OOSP4A: variants seen among roughly 807,000 people sequenced by gnomAD.
The protein encoded by OOSP4A is oocyte-secreted protein 4A.
chr11:59,966,898 C>T (rs1370912542), intron 2 of OOSP4A, among the ~76,000 whole-genome samples, 169 bp from the exon 3 acceptor site: 1 of 152,196 alleles, frequency 6.6e-6, no homozygotes, highest in African/African-American at 2.4e-5. Context: ...GGATTTTTAT[C>T]ACTTAGCTCT....
chr11:59,964,764 C>T (rs1359005494), intron 1 of OOSP4A, among the ~76,000 whole-genome samples: 3 of 151,966 alleles, frequency 2.0e-5, no homozygotes, highest in African/African-American at 7.3e-5. Flanking sequence ...TTTCTGAATC[C>T]TTAGTGTCAC....
chr11:59,967,830 G>GT (rs1418824943), intron 3 of OOSP4A, among the ~76,000 whole-genome samples: 1 of 152,008 alleles, frequency 6.6e-6, no homozygotes, highest in African/African-American at 2.4e-5. Context: ...ACAAGGCCCA[G>GT]TTGCATGTGT....
At chr11:59,969,076 A>G in intron 3 of OOSP4A, 74 bp from the exon 4 acceptor site, 1 of 396,884 alleles carries the variant, frequency 2.5e-6, no homozygotes, top group East Asian at 3.6e-5. Flanking sequence ...GTTTTTCTCC[A>G]CATTTCAACT....
chr11:59,967,162 A>G, exon 3 of OOSP4A: 1 of 398,076 alleles, frequency 2.5e-6, no homozygotes, highest in Non-Finnish European at 4.4e-6. Flanking sequence ...GCTATGTGCA[A>G]AGGTAAGTGC....
intron 3 of OOSP4A, 119 bp from the exon 4 acceptor site, chr11:59,969,031 A>G: frequency 2.5e-6 from 1 of 394,810 alleles, no homozygotes; most frequent in Non-Finnish European, 4.5e-6. Context: ...CTGATTTGGC[A>G]TTCTCTCACA....
chr11:59,965,855 T>G (rs1368543372), intron 2 of OOSP4A, 142 bp downstream of exon 2: 1 of 394,642 alleles, frequency 2.5e-6, no homozygotes, highest in East Asian at 3.6e-5. Context: ...CTCTTCAACA[T>G]TTTTGGATGT....
chr11:59,969,157 C>T, exon 4 of OOSP4A: 1 of 398,572 alleles, frequency 2.5e-6, no homozygotes, highest in African/African-American at 2.1e-5. Context: ...CAGAAGGTTT[C>T]CAATAATCTT....
At chr11:59,965,970 T>C (rs1854094030) in intron 2 of OOSP4A, among the ~76,000 whole-genome samples, 1 of 151,956 alleles carries the variant, frequency 6.6e-6, no homozygotes, top group Admixed American at 6.6e-5. Context: ...CCTGTGATAG[T>C]GTTTTTTTTG....
At chr11:59,970,008 A>G (rs1273830120) in intron 4 of OOSP4A, 41 bp from the exon 5 acceptor site, 1 of 397,746 alleles carries the variant, frequency 2.5e-6, no homozygotes. Flanking sequence ...GTAGTTTCCC[A>G]TCAGTACAAC....
intron 3 of OOSP4A, among the ~76,000 whole-genome samples, chr11:59,967,910 G>T (rs187386476): frequency 6.6e-6 from 1 of 152,178 alleles, no homozygotes; most frequent in Admixed American, 6.5e-5. Flanking sequence ...TGGAGACACA[G>T]AATTTAATGG....
chr11:59,964,148 C>G (rs963548164), intron 1 of OOSP4A, 49 bp downstream of exon 1: 4 of 286,110 alleles, frequency 1.4e-5, no homozygotes, highest in African/African-American at 5.9e-5. Context: ...ATCAGCAGGG[C>G]TTTTTTTTTT....
intron 2 of OOSP4A, 117 bp downstream of exon 2, chr11:59,965,830 G>A: frequency 2.5e-6 from 1 of 396,118 alleles, no homozygotes; most frequent in Non-Finnish European, 4.4e-6. Context: ...AATAGTTCAT[G>A]TAGTATTGAT....
intron 4 of OOSP4A, among the ~76,000 whole-genome samples, chr11:59,969,537 G>A (rs541543887): frequency 6.6e-6 from 1 of 152,228 alleles, no homozygotes; most frequent in African/African-American, 2.4e-5. Context: ...TAATTTACTT[G>A]AGCTAGAGAA....
intron 3 of OOSP4A, among the ~76,000 whole-genome samples, chr11:59,968,724 C>G (rs911028267): frequency 6.6e-6 from 1 of 152,164 alleles, no homozygotes; most frequent in Non-Finnish European, 1.5e-5. Flanking sequence ...ATAGAAACAC[C>G]TTTATTTGGC....
chr11:59,966,966 A>G, intron 2 of OOSP4A, 101 bp from the exon 3 acceptor site: 1 of 389,508 alleles, frequency 2.6e-6, no homozygotes, highest in Non-Finnish European at 4.5e-6. Context: ...GTAAAAATAA[A>G]AGTAAAAATT....
At chr11:59,970,004 T>C (rs2134587962) in intron 4 of OOSP4A, 45 bp from the exon 5 acceptor site, 1 of 397,628 alleles carries the variant, frequency 2.5e-6, no homozygotes, top group South Asian at 1.3e-4. Flanking sequence ...GATGGTAGTT[T>C]CCCATCAGTA....
At chr11:59,969,414 A>G in intron 4 of OOSP4A, 130 bp downstream of exon 4, 1 of 395,908 alleles carries the variant, frequency 2.5e-6, no homozygotes, top group Admixed American at 4.4e-5. Context: ...GTTCAGGATC[A>G]TTGGAATACT....
intron 3 of OOSP4A, 29 bp from the exon 4 acceptor site, chr11:59,969,121 G>C (rs1314597461): frequency 2.5e-6 from 1 of 398,092 alleles, no homozygotes; most frequent in Non-Finnish European, 4.4e-6. Flanking sequence ...TATATACAAA[G>C]CTTAAATATA....
intron 2 of OOSP4A, among the ~76,000 whole-genome samples, chr11:59,966,778 C>T (rs1854103612): frequency 6.6e-6 from 1 of 152,014 alleles, no homozygotes. Context: ...CTGGCCCAGA[C>T]CTTGACTGTT....
Sources: allele counts gnomAD v4.1 joint callset (sites outside exome capture counted in the v4.1 genomes callset), GRCh38; gene constraint gnomAD v4.1.1; transcripts MANE v1.5; gene names NCBI Gene and HGNC (gene_info 2026-07-23, HGNC 2026-07-21).